ABTB3: variants seen among roughly 807,000 people sequenced by gnomAD.
The protein encoded by ABTB3 is ankyrin repeat and BTB domain containing 3, also known as ankyrin repeat- and BTB/POZ domain-containing protein 3.
At chr12:107,554,939 A>G in the ABTB3 span, among the ~76,000 whole-genome samples, 1 of 152,190 alleles carries the variant, frequency 6.6e-6, no homozygotes, top group Non-Finnish European at 1.5e-5. Context: ...GTGCTTATAA[A>G]TATTCCTCAG....
At chr12:107,538,255 G>T in the ABTB3 span, among the ~76,000 whole-genome samples, 1 of 152,212 alleles carries the variant, frequency 6.6e-6, no homozygotes. Flanking sequence ...CAGCTTCCAG[G>T]CCAGTTATTG....
At chr12:107,561,777 C>T in the ABTB3 span, among the ~76,000 whole-genome samples, 3 of 152,178 alleles carry the variant, frequency 2.0e-5, no homozygotes, top group Non-Finnish European at 4.4e-5. Context: ...CTTACTCCCC[C>T]CTCTTACTCC....
chr12:107,596,846 A>G, the ABTB3 span, among the ~76,000 whole-genome samples: 2 of 152,098 alleles, frequency 1.3e-5, no homozygotes, highest in African/African-American at 2.4e-5. Context: ...AACAGAGTGT[A>G]GCTTTCCCCG....
chr12:107,458,486 C>T, the ABTB3 span, among the ~76,000 whole-genome samples: 1 of 152,128 alleles, frequency 6.6e-6, no homozygotes, highest in Admixed American at 6.6e-5. Flanking sequence ...GGATAGGCCT[C>T]CTTTGGAAAG....
the ABTB3 span, among the ~76,000 whole-genome samples, chr12:107,361,284 G>A: frequency 0.29 from 43,618 of 151,906 alleles, 6,711 homozygotes; most frequent in South Asian, 0.41. Flanking sequence ...ATGCATTTAC[G>A]TTTTTTCCTT....
At chr12:107,388,052 A>C in the ABTB3 span, among the ~76,000 whole-genome samples, 1 of 147,488 alleles carries the variant, frequency 6.8e-6, no homozygotes, top group Non-Finnish European at 1.5e-5. Context: ...GGCTCACTGC[A>C]ACCTCTGCCT....
chr12:107,574,041 A>G, the ABTB3 span, among the ~76,000 whole-genome samples: 1 of 152,258 alleles, frequency 6.6e-6, no homozygotes, highest in African/African-American at 2.4e-5. Context: ...AATACAAAAT[A>G]GTCTGCAGAC....
At chr12:107,529,519 T>A in the ABTB3 span, among the ~76,000 whole-genome samples, 1 of 152,216 alleles carries the variant, frequency 6.6e-6, no homozygotes, top group South Asian at 2.1e-4. Flanking sequence ...TAGTACTGAA[T>A]TCTTATTAAG....
chr12:107,478,174 T>C, the ABTB3 span, among the ~76,000 whole-genome samples: 5 of 152,200 alleles, frequency 3.3e-5, no homozygotes, highest in African/African-American at 1.2e-4. Context: ...ACTCCTACAA[T>C]TGTGTCAGTC....
At chr12:107,520,545 G>T in the ABTB3 span, 69 of 1,614,096 alleles carry the variant, frequency 4.3e-5, no homozygotes, top group Non-Finnish European at 5.1e-5. Flanking sequence ...GGTCAAACAA[G>T]CCAGGGGAAC....
At chr12:107,636,253 G>A in the ABTB3 span, among the ~76,000 whole-genome samples, 2 of 152,148 alleles carry the variant, frequency 1.3e-5, no homozygotes, top group African/African-American at 2.4e-5. Flanking sequence ...TGTTGCAACC[G>A]AGTTGATCAA....
the ABTB3 span, among the ~76,000 whole-genome samples, chr12:107,346,763 T>C: frequency 6.6e-6 from 1 of 152,216 alleles, no homozygotes; most frequent in Non-Finnish European, 1.5e-5. Context: ...CCGGTGAGTC[T>C]GCTCTTAATT....
At chr12:107,562,561 G>C in the ABTB3 span, among the ~76,000 whole-genome samples, 2 of 152,352 alleles carry the variant, frequency 1.3e-5, no homozygotes, top group Admixed American at 1.3e-4. Context: ...TGAGTCCAAG[G>C]TGGGCAGGGT....
At chr12:107,421,931 C>T in the ABTB3 span, among the ~76,000 whole-genome samples, 4 of 152,208 alleles carry the variant, frequency 2.6e-5, no homozygotes, top group Non-Finnish European at 4.4e-5. Flanking sequence ...CTTCTGGACA[C>T]TGAGCTACAG....
chr12:107,373,656 T>C, the ABTB3 span, among the ~76,000 whole-genome samples: 1 of 152,206 alleles, frequency 6.6e-6, no homozygotes, highest in African/African-American at 2.4e-5. Context: ...CAAGCTCCTC[T>C]ATCTTATAGA....
chr12:107,558,327 A>C, the ABTB3 span, among the ~76,000 whole-genome samples: 7 of 152,360 alleles, frequency 4.6e-5, no homozygotes, highest in South Asian at 1.5e-3. Flanking sequence ...TCCCAAAGCC[A>C]CGATGTCCCT....
the ABTB3 span, among the ~76,000 whole-genome samples, chr12:107,655,276 C>T: frequency 4.6e-3 from 620 of 134,484 alleles, 5 homozygotes; most frequent in African/African-American, 7.6e-3. Flanking sequence ...TATATATATA[C>T]ACCTACAAAC....
the ABTB3 span, among the ~76,000 whole-genome samples, chr12:107,489,391 A>G: frequency 6.6e-6 from 1 of 152,096 alleles, no homozygotes; most frequent in African/African-American, 2.4e-5. Flanking sequence ...GTGGTGGTGC[A>G]TGCCTGTAAT....
chr12:107,320,907 GCA>G, the ABTB3 span, among the ~76,000 whole-genome samples: 1 of 152,152 alleles, frequency 6.6e-6, no homozygotes, highest in Admixed American at 6.5e-5. Context: ...GTCGTTTCCA[GCA>G]GGTTCTATCA....
Sources: allele counts gnomAD v4.1 joint callset (sites outside exome capture counted in the v4.1 genomes callset), GRCh38; gene constraint gnomAD v4.1.1; transcripts MANE v1.5; gene names NCBI Gene and HGNC (gene_info 2026-07-23, HGNC 2026-07-21).